Variants in LRGUK observed in about 807,000 individuals in gnomAD.
The protein encoded by LRGUK is leucine-rich repeat and guanylate kinase domain-containing protein.
A neutral mutation model predicts 76.0 loss-of-function variants in LRGUK; 65 were observed. The observed-to-expected ratio is 0.85, with a 90% CI of 0.70 to 1.05. The LOEUF (loss-of-function observed/expected upper bound fraction) is 1.05, where lower values mean the gene tolerates loss of function less well. Among genes scored for constraint, LRGUK ranks in the 50% least tolerant of loss-of-function variants. LRGUK has a pLI of 0.00. For missense variants in LRGUK, 758 were observed against 732.8 expected, an observed-to-expected ratio of 1.03 and a Z score of -0.40; for synonymous variants, 268 against 265.6, an observed-to-expected ratio of 1.01 and a Z score of -0.09.
At chr7:134,270,478 CTAATTA>C in the LRGUK span, among the ~76,000 whole-genome samples, 1 of 152,210 alleles carries the variant, frequency 6.6e-6, no homozygotes, top group African/African-American at 2.4e-5. Context: ...TGTATCCTTT[CTAATTA>C]TATTTTCCTG....
chr7:134,242,123 C>T (rs1802173044), intron 16 of LRGUK, among the ~76,000 whole-genome samples: 1 of 152,064 alleles, frequency 6.6e-6, no homozygotes, highest in Non-Finnish European at 1.5e-5. Context: ...AATTGACACC[C>T]TAACATCACA....
intron 18 of LRGUK, 67 bp from the exon 19 acceptor site, chr7:134,258,190 G>A: frequency 6.3e-7 from 1 of 1,594,744 alleles, no homozygotes. Flanking sequence ...CATAGGCATA[G>A]ATCGTGTGGC....
intron 15 of LRGUK, among the ~76,000 whole-genome samples, chr7:134,203,063 C>T (rs543377611): frequency 6.1e-4 from 93 of 152,074 alleles, no homozygotes; most frequent in Non-Finnish European, 1.0e-3. Flanking sequence ...ATTAGCCAGG[C>T]GTGGTGGCAT....
At chr7:134,153,386 T>A (rs1798314939) in intron 5 of LRGUK, among the ~76,000 whole-genome samples, 1 of 152,166 alleles carries the variant, frequency 6.6e-6, no homozygotes, top group Non-Finnish European at 1.5e-5. Flanking sequence ...TAAATTGCAA[T>A]ACAATAAGCT....
the LRGUK span, among the ~76,000 whole-genome samples, chr7:134,273,360 A>T: frequency 6.6e-6 from 1 of 152,196 alleles, no homozygotes; most frequent in African/African-American, 2.4e-5. Context: ...TTTCTATGGT[A>T]AACTGGTCCC....
chr7:134,253,697 C>T, intron 18 of LRGUK, among the ~76,000 whole-genome samples: 1 of 152,112 alleles, frequency 6.6e-6, no homozygotes, highest in East Asian at 1.9e-4. Flanking sequence ...CACCTGTAGT[C>T]CCAGTTACTG....
At chr7:134,200,203 A>C (rs1021585390) in intron 14 of LRGUK, among the ~76,000 whole-genome samples, 16 of 150,650 alleles carry the variant, frequency 1.1e-4, no homozygotes, top group African/African-American at 3.9e-4. Context: ...CGCCCAGCTA[A>C]TTTTTGCATT....
chr7:134,127,729 G>A (rs531103493), intron 1 of LRGUK, 65 bp downstream of exon 1: 3 of 1,510,046 alleles, frequency 2.0e-6, no homozygotes, highest in Admixed American at 4.1e-5. Context: ...TTCAGCGGCA[G>A]CTCCCCGATG....
chr7:134,197,388 A>G (rs963234233), intron 13 of LRGUK, among the ~76,000 whole-genome samples: 9 of 152,208 alleles, frequency 5.9e-5, no homozygotes, highest in Non-Finnish European at 1.2e-4. Context: ...CGGTTACAAT[A>G]CAAGAAATTG....
At position 134,164,924 on chromosome 7, in the gene LRGUK, A is replaced by G. The variant is rs370476767; in HGVS notation, c.939+1384A>G. The stretch of plus-strand genomic sequence containing the variant: ...CTTCTCCAGTTAATTCTGGTGGACA[A>G]CCTTTGTTCACTGTACCACGTGTCT... On this transcript the variant is annotated intron_variant, in intron 7 of 15. Transcript: ENST00000645682. Among the ~76,000 whole-genome samples the G allele has an allele frequency of 2.6e-5, 4 of 152,052 alleles. No homozygotes were observed. The East Asian group carries it at 5.8e-4, about 22-fold the overall frequency.
chr7:134,229,928 T>C (rs1801852207), intron 16 of LRGUK, among the ~76,000 whole-genome samples: 1 of 151,964 alleles, frequency 6.6e-6, no homozygotes, highest in Non-Finnish European at 1.5e-5. Flanking sequence ...AGCAAAATAA[T>C]AATAGTTCAA....
intron 11 of LRGUK, among the ~76,000 whole-genome samples, chr7:134,186,865 C>G (rs765621507): frequency 1.2e-4 from 18 of 152,328 alleles, no homozygotes; most frequent in Non-Finnish European, 2.2e-4. Context: ...ACTGTTACCT[C>G]TGCCACTGCT....
At chr7:134,131,825 CAG>C (rs747862837) in intron 1 of LRGUK, among the ~76,000 whole-genome samples, 14 of 151,994 alleles carry the variant, frequency 9.2e-5, no homozygotes, top group South Asian at 2.1e-4. Context: ...GACTGGAAAT[CAG>C]GGGAGAGATC....
At chr7:134,174,490 T>A (rs1232012905) in intron 7 of LRGUK, 66 bp from the exon 8 acceptor site, 3 of 994,566 alleles carry the variant, frequency 3.0e-6, no homozygotes, top group Non-Finnish European at 4.7e-6. Context: ...TGGCTTCTAT[T>A]GTATTATGTT....
exon 16 of LRGUK, chr7:134,209,398 G>C (rs1801148348): frequency 2.5e-6 from 1 of 399,168 alleles, no homozygotes; most frequent in Admixed American, 4.4e-5. Context: ...AGCAAGCTCT[G>C]AAGGAGGAAA....
Position 134,128,181 on chromosome 7 carries a change from A to C in LRGUK, c.297+517A>C, listed in dbSNP as rs372687577. On this transcript the variant is annotated intron_variant, in intron 1 of 15. Transcript: ENST00000645682. ...ACTAAGTGACTTAAAAGTTGAATAC[A>C]TTACTTCTGTCGGGGGCATATGCCT... Among the ~76,000 whole-genome samples, 4 of 151,956 alleles carry C rather than the reference A, an allele frequency of 2.6e-5. No individual in the cohort carries two copies. The South Asian group carries it at 6.2e-4, about 24-fold the overall frequency.
rs145947301 is a variant in LRGUK, at chr7:134,207,431, G to C, written c.1844-1276G>C. The stretch of plus-strand genomic sequence containing the variant: ...TTAACCTTGTTTCTTGTCTAAGCTA[G>C]TATTTCAGTTTATAACAGTTATAAA... On this transcript the variant is annotated intron_variant, in intron 15 of 15. Coordinates refer to ENST00000645682, the Ensembl canonical transcript of LRGUK. Among the ~76,000 whole-genome samples the C allele has an allele frequency of 1.8e-3, 281 of 152,264 alleles. 1 individual carries two copies. Among genetic ancestry groups the C allele is most frequent in the African/African-American group, 6.4e-3 (267 of 41,556 alleles).
intron 8 of LRGUK, among the ~76,000 whole-genome samples, chr7:134,176,193 A>C (rs1799470481): frequency 6.6e-6 from 1 of 152,144 alleles, no homozygotes; most frequent in Non-Finnish European, 1.5e-5. Flanking sequence ...ACATGGACAC[A>C]GGGAGGAGAA....
the LRGUK span, among the ~76,000 whole-genome samples, chr7:134,273,330 A>T: frequency 6.6e-6 from 1 of 152,166 alleles, no homozygotes; most frequent in Non-Finnish European, 1.5e-5. Context: ...TTCCTCTCAG[A>T]GTCCCACATT....
Sources: gnomAD v4.1 joint callset for allele counts (sites outside exome capture counted in the v4.1 genomes callset) on GRCh38, gnomAD v4.1.1 for gene constraint, MANE v1.5 for transcripts, NCBI Gene and HGNC (gene_info 2026-07-23, HGNC 2026-07-21) for gene names.